BTC: variants seen among roughly 807,000 people sequenced by gnomAD.
BTC encodes probetacellulin.
Under a neutral mutation model 18.1 loss-of-function variants are expected in BTC, and 13 were observed. The ratio of observed to expected loss-of-function variants is 0.72; its 90% CI spans 0.47 to 1.14. BTC has a LOEUF of 1.14. BTC is among the 50% of genes most tolerant of loss of function. BTC has a pLI of 0.00. For synonymous variants in BTC, 83 were observed against 79.4 expected, an observed-to-expected ratio of 1.05 and a Z score of -0.24; for missense variants, 247 against 224.2, an observed-to-expected ratio of 1.10 and a Z score of -0.65.
chr4:74,759,144 C>T (rs936189299), intron 2 of BTC, among the ~76,000 whole-genome samples: 2 of 152,102 alleles, frequency 1.3e-5, no homozygotes, highest in African/African-American at 2.4e-5. Context: ...TTCTGCCCAT[C>T]ATGAGACCTG....
chr4:74,770,217 A>G, intron 1 of BTC, 61 bp from the exon 2 acceptor site: 6 of 1,280,494 alleles, frequency 4.7e-6, no homozygotes, highest in Non-Finnish European at 6.7e-6. Context: ...GAAACAGTCT[A>G]TCAAAGTCAT....
In BTC at chr4:74,794,412, T is replaced by C; in HGVS notation, c.-87A>G. On this transcript the variant is annotated 5_prime_UTR_variant, in exon 1 of 6. Coordinates refer to ENST00000395743, the MANE Select transcript of BTC (RefSeq NM_001729.4). ...CCCGGGCCTCGGGCGCCTGAGAGGG[T>C]GCCTGGAAACTAATCCCGGAGGCAG... The C allele has an allele frequency of 2.2e-6, 3 of 1,360,980 alleles. No individual in the cohort carries two copies. The highest frequency in any genetic ancestry group is 2.9e-6 in the Non-Finnish European group (3 of 1,033,888). The allele number at this position is 1,360,980 out of a possible 1,614,324, so 84.3% of individuals were successfully genotyped here. A position where few individuals can be genotyped will look rare whatever the true frequency, so the allele number is the denominator to read the frequency against.
At chr4:74,769,987 T>C in intron 2 of BTC, 71 bp downstream of exon 2, 1 of 1,251,420 alleles carries the variant, frequency 8.0e-7, no homozygotes, top group Admixed American at 2.0e-5. Context: ...AATGTTTACC[T>C]AGTATTATGA....
chr4:74,791,663 T>C (rs1217152978), intron 1 of BTC, among the ~76,000 whole-genome samples: 1 of 152,216 alleles, frequency 6.6e-6, no homozygotes, highest in Non-Finnish European at 1.5e-5. Context: ...CTAATTTGCA[T>C]ATGTTAGAAT....
intron 2 of BTC, among the ~76,000 whole-genome samples, chr4:74,760,572 T>C (rs1218697300): frequency 6.6e-6 from 1 of 152,216 alleles, no homozygotes; most frequent in Admixed American, 6.5e-5. Context: ...TGAAAATTTA[T>C]TTAAATTGAG....
chr4:74,766,009 A>T (rs1724892933), intron 2 of BTC, among the ~76,000 whole-genome samples: 1 of 152,166 alleles, frequency 6.6e-6, no homozygotes, highest in Non-Finnish European at 1.5e-5. Context: ...ATGTTACTGT[A>T]CTGAATACTG....
intron 1 of BTC, among the ~76,000 whole-genome samples, chr4:74,787,255 A>G (rs2109919864): frequency 6.6e-6 from 1 of 152,262 alleles, no homozygotes; most frequent in Admixed American, 6.5e-5. Context: ...TCCCATCCCC[A>G]TTTTGTAATT....
chr4:74,751,143 A>AC (rs1724449097), intron 3 of BTC, among the ~76,000 whole-genome samples: 1 of 152,200 alleles, frequency 6.6e-6, no homozygotes, highest in South Asian at 2.1e-4. Flanking sequence ...TATAAATTAT[A>AC]TAAAAATTGT....
intron 1 of BTC, among the ~76,000 whole-genome samples, chr4:74,787,798 T>C (rs888224934): frequency 2.1e-4 from 32 of 152,214 alleles, no homozygotes; most frequent in African/African-American, 7.5e-4. Flanking sequence ...AAGTCTTTTT[T>C]TTCCCAGGTG....
At chr4:74,762,422 A>T (rs924174524) in intron 2 of BTC, among the ~76,000 whole-genome samples, 1 of 152,214 alleles carries the variant, frequency 6.6e-6, no homozygotes, top group African/African-American at 2.4e-5. Context: ...GGATTAAATG[A>T]ATTTATATAC....
At chr4:74,791,534 C>T (rs796905121) in intron 1 of BTC, among the ~76,000 whole-genome samples, 26 of 152,142 alleles carry the variant, frequency 1.7e-4, no homozygotes, top group African/African-American at 6.0e-4. Flanking sequence ...AACACATAAA[C>T]GTGTAATTTA....
At chr4:74,785,096 T>A (rs936586125) in intron 1 of BTC, among the ~76,000 whole-genome samples, 13 of 152,206 alleles carry the variant, frequency 8.5e-5, no homozygotes, top group African/African-American at 2.9e-4. Flanking sequence ...ACTGGTTCAA[T>A]TTCAGAACTC....
At chr4:74,789,966 G>T (rs1262601637) in intron 1 of BTC, among the ~76,000 whole-genome samples, 1 of 152,236 alleles carries the variant, frequency 6.6e-6, no homozygotes, top group Non-Finnish European at 1.5e-5. Context: ...AGAGGAAGAA[G>T]AATCTGTAGA....
chr4:74,777,444 C>G (rs1212650906), intron 1 of BTC, among the ~76,000 whole-genome samples: 1 of 152,128 alleles, frequency 6.6e-6, no homozygotes, highest in Non-Finnish European at 1.5e-5. Context: ...TGGATACTGA[C>G]AAATTTCTAC....
At chr4:74,761,228 G>A (rs1470900651) in intron 2 of BTC, among the ~76,000 whole-genome samples, 3 of 152,098 alleles carry the variant, frequency 2.0e-5, no homozygotes, top group Non-Finnish European at 2.9e-5. Flanking sequence ...GGGACAGGAA[G>A]AAAACTTATC....
chr4:74,787,808 G>A (rs1725520920), intron 1 of BTC, among the ~76,000 whole-genome samples: 1 of 151,994 alleles, frequency 6.6e-6, no homozygotes, highest in Non-Finnish European at 1.5e-5. Context: ...TTTCCCAGGT[G>A]CTGTTGCTAC....
chr4:74,752,005 G>T (rs782083349), intron 3 of BTC, among the ~76,000 whole-genome samples: 36 of 152,142 alleles, frequency 2.4e-4, no homozygotes, highest in Non-Finnish European at 4.9e-4. Context: ...AAGGATTTAC[G>T]GCTGGGCTGT....
At chr4:74,758,820 T>C (rs545622565) in intron 2 of BTC, among the ~76,000 whole-genome samples, 3 of 152,174 alleles carry the variant, frequency 2.0e-5, no homozygotes, top group African/African-American at 7.2e-5. Flanking sequence ...CTCTTAAATA[T>C]TCCCAGCATT....
At chr4:74,787,900 G>A (rs1577971929) in intron 1 of BTC, among the ~76,000 whole-genome samples, 1 of 152,096 alleles carries the variant, frequency 6.6e-6, no homozygotes, top group East Asian at 1.9e-4. Context: ...TAGGGAACAG[G>A]GAAAAAGAAT....
Sources: allele counts gnomAD v4.1 joint callset (sites outside exome capture counted in the v4.1 genomes callset), GRCh38; gene constraint gnomAD v4.1.1; transcripts MANE v1.5; gene names NCBI Gene and HGNC (gene_info 2026-07-23, HGNC 2026-07-21).